The following NUTM2E variants were observed in gnomAD, a reference collection of about 807,000 sequenced individuals.
NUTM2E encodes the protein NUT family member 2E, also known as family with sequence similarity 22, member E.
A neutral mutation model predicts 26.1 loss-of-function variants in NUTM2E; 3 were observed. The observed-to-expected ratio is 0.12, with a 90% CI of 0.05 to 0.30. The LOEUF is 0.30. Among genes scored for constraint, NUTM2E ranks in the 10% least tolerant of loss-of-function variants. NUTM2E has a pLI of 1.00. For missense variants in NUTM2E, 62 were observed against 381.3 expected, an observed-to-expected ratio of 0.16 and a Z score of 6.97; for synonymous variants, 13 against 157.5, an observed-to-expected ratio of 0.08 and a Z score of 6.87.
rs534890566 is a variant in NUTM2E, at chr10:79,839,738, G to C, written c.-2003G>C. On this transcript the variant is annotated 5_prime_UTR_variant, in exon 4 of 10. Coordinates refer to ENST00000429984, the MANE Select transcript of NUTM2E (RefSeq NM_001355263.2). ...GCTCTGCAGGACACAGCATGGAGCCGCCATTCCTCTACTGGGTGGAGGAGC... is the reference window on the plus strand; with the variant it reads ...GCTCTGCAGGACACAGCATGGAGCCCCCATTCCTCTACTGGGTGGAGGAGC... Among the ~76,000 whole-genome samples the C allele has an allele frequency of 6.6e-6, 1 of 151,452 alleles. No individual in the cohort carries two copies. The highest frequency in any genetic ancestry group is 2.4e-5 in the African/African-American group (1 of 41,120).
chr10:79,832,081 C>A (rs1841930768), intron 1 of NUTM2E, among the ~76,000 whole-genome samples: 1 of 152,126 alleles, frequency 6.6e-6, no homozygotes, highest in South Asian at 2.1e-4. Context: ...TCTCATTCAC[C>A]AACTAATTAC....
chr10:79,849,067 T>C (rs1203169700), intron 8 of NUTM2E, among the ~76,000 whole-genome samples, 172 bp downstream of exon 8: 1 of 108,916 alleles, frequency 9.2e-6, no homozygotes, highest in Non-Finnish European at 2.3e-5. Context: ...GGTTTGTTAC[T>C]GTGTGTCTTT....
Position 79,838,859 on chromosome 10 carries a change from A to C in NUTM2E, c.-2370A>C, listed in dbSNP as rs1459458006. On this transcript the variant is annotated 5_prime_UTR_variant, in exon 3 of 10. Transcript: ENST00000429984. ...CTCTCGCGCTGCGCGTCTCCCTGCC[A>C]TCAACCGCCGCAACTGGCGCTGGGA... Among the ~76,000 whole-genome samples, 1 of 150,962 alleles carries C rather than the reference A, an allele frequency of 6.6e-6. No individual in the cohort carries two copies. Among genetic ancestry groups the C allele is most frequent in the East Asian group, 2.0e-4 (1 of 5,046 alleles).
At chr10:79,836,230 A>T (rs2132416166) in intron 1 of NUTM2E, among the ~76,000 whole-genome samples, 1 of 151,920 alleles carries the variant, frequency 6.6e-6, no homozygotes, top group East Asian at 1.9e-4. Flanking sequence ...GGTAATTTTG[A>T]TATTAATACT....
At chr10:79,829,766 A>G (rs1841914894) in intron 1 of NUTM2E, among the ~76,000 whole-genome samples, 1 of 151,684 alleles carries the variant, frequency 6.6e-6, no homozygotes, top group South Asian at 2.1e-4. Flanking sequence ...AATGGACAAT[A>G]AAGAAAGTGA....
intron 1 of NUTM2E, among the ~76,000 whole-genome samples, chr10:79,828,065 G>A (rs1318135039): frequency 1.3e-5 from 2 of 151,490 alleles, no homozygotes; most frequent in Admixed American, 6.6e-5. Flanking sequence ...AAAGTGCTGG[G>A]ATTACAGGCG....
intron 1 of NUTM2E, among the ~76,000 whole-genome samples, chr10:79,833,310 C>T (rs1564741376): frequency 6.6e-6 from 1 of 151,522 alleles, no homozygotes; most frequent in Non-Finnish European, 1.5e-5. Context: ...TGCATCAGAA[C>T]ATACTCACTC....
intron 1 of NUTM2E, among the ~76,000 whole-genome samples, chr10:79,836,288 A>G (rs1841963178): frequency 6.6e-6 from 1 of 151,950 alleles, no homozygotes; most frequent in African/African-American, 2.4e-5. Flanking sequence ...TTCACTGATT[A>G]AAAACAAAAT....
In NUTM2E at chr10:79,827,062, C is replaced by A. The variant is rs1347100670; in HGVS notation, c.-3023C>A. 1.3e-5 allele frequency: 2 copies of A among 150,154 alleles called. No homozygotes were observed. The highest frequency in any genetic ancestry group is 1.3e-4 in the Admixed American group (2 of 15,014). The allele number at this position is 150,154 out of a possible 1,614,324, so 9.3% of individuals were successfully genotyped here. ...CTTGGATACCAGCCTTAAATCGAGC[C>A]GACTACGGCCCAGCCCCGCCCGCGG... On this transcript the variant is annotated 5_prime_UTR_variant, in exon 1 of 10. Transcript: ENST00000429984.
chr10:79,849,165 C>G (rs1359207632), intron 8 of NUTM2E, among the ~76,000 whole-genome samples: 1 of 67,882 alleles, frequency 1.5e-5, no homozygotes, highest in Non-Finnish European at 3.6e-5. Context: ...GTTTGTGTGT[C>G]TGTGTGTGGT....
chr10:79,833,300 T>C (rs1841938428), intron 1 of NUTM2E, among the ~76,000 whole-genome samples: 2 of 151,638 alleles, frequency 1.3e-5, no homozygotes, highest in South Asian at 4.2e-4. Flanking sequence ...TGCTGCCCTG[T>C]GCATCAGAAC....
Position 79,827,007 on chromosome 10 carries a change from G to GTCGCCTCGCCTCGCCTCGCCTCGCC in NUTM2E, c.-3062_-3061insCGCCTCGCCTCGCCTCGCCTCGCCT. 1 of 113,856 alleles carries GTCGCCTCGCCTCGCCTCGCCTCGCC rather than the reference G, an allele frequency of 8.8e-6. No individual in the cohort carries two copies. Among genetic ancestry groups the GTCGCCTCGCCTCGCCTCGCCTCGCC allele is most frequent in the East Asian group, 3.5e-4 (1 of 2,850 alleles). 7.1% of individuals were successfully genotyped at this position (113,856 alleles called of 1,614,324 possible). ...GTTCTCCCTAAGCACCCTCGCTCAC[G>GTCGCCTCGCCTCGCCTCGCCTCGCC]TCGCCTCGCCTCGCCTGACCGGCCG... On this transcript the variant is annotated 5_prime_UTR_variant, in exon 1 of 10. Transcript: ENST00000429984.
chr10:79,832,425 G>A (rs946135548), intron 1 of NUTM2E, among the ~76,000 whole-genome samples: 31 of 151,790 alleles, frequency 2.0e-4, no homozygotes, highest in Admixed American at 3.9e-4. Flanking sequence ...TTGAATGTAC[G>A]ATAGGAGCTG....
rs1232551095 is a variant in NUTM2E, at chr10:79,845,244, G to A, written c.1082+372G>A. Among the ~76,000 whole-genome samples the A allele has an allele frequency of 3.8e-3, 423 of 112,134 alleles. 12 individuals carry two copies. The highest frequency in any genetic ancestry group is 0.011 in the African/African-American group (389 of 35,432). 73.6% of individuals were successfully genotyped at this position (112,134 alleles called of 152,430 possible). ...CCCTTTAACCCAGTATTGATGGCCA[G>A]GAGCACCTCACATGGGGCCGGGGGG... On this transcript the variant is annotated intron_variant, in intron 5 of 9. Transcript: ENST00000429984.
At position 79,839,965 on chromosome 10, in the gene NUTM2E, G is replaced by A. The variant is rs1478811599; in HGVS notation, c.-1776G>A. Reference sequence around the variant, plus strand: ...GGGTCTAGGACTTCAAACATGTACAGAAGCGATTGCAGAATTAAGACAAGA... The same window carrying A: ...GGGTCTAGGACTTCAAACATGTACAAAAGCGATTGCAGAATTAAGACAAGA... On this transcript the variant is annotated 5_prime_UTR_variant, in exon 4 of 10. Transcript: ENST00000429984. 6.7e-6 allele frequency among the ~76,000 whole-genome samples: 1 copy of A among 148,748 alleles called. No homozygotes were observed. The highest frequency in any genetic ancestry group is 2.0e-4 in the East Asian group (1 of 5,114).
Position 79,829,726 on chromosome 10 carries a change from C to A in NUTM2E, c.-2728+2369C>A, listed in dbSNP as rs561856797. On this transcript the variant is annotated intron_variant, in intron 1 of 9. Coordinates refer to ENST00000429984, the MANE Select transcript of NUTM2E (RefSeq NM_001355263.2). ...TGTCAAATAACAGGCAAAATAGAATCTGACACCCTAGGTCTCAGCAAGTGT... is the reference window on the plus strand; with the variant it reads ...TGTCAAATAACAGGCAAAATAGAATATGACACCCTAGGTCTCAGCAAGTGT... Among the ~76,000 whole-genome samples, 12 of 151,754 alleles carry A rather than the reference C, an allele frequency of 7.9e-5. No homozygotes were observed. In the South Asian group the frequency reaches 2.5e-3, roughly 32 times the overall value.
chr10:79,840,408 C>A lies in NUTM2E; in HGVS notation c.-1333C>A, dbSNP rs1018872701. The stretch of plus-strand genomic sequence containing the variant: ...CAGAGGACAAAAGGCCTGGGAGCAC[C>A]CAGACAGACAGTCACTGCATGGAGG... On this transcript the variant is annotated 5_prime_UTR_variant, in exon 4 of 10. Coordinates refer to ENST00000429984, the MANE Select transcript of NUTM2E (RefSeq NM_001355263.2). Among the ~76,000 whole-genome samples, 1 of 144,286 alleles carries A rather than the reference C, an allele frequency of 6.9e-6. No homozygotes were observed. Among genetic ancestry groups the A allele is most frequent in the Admixed American group, 6.9e-5 (1 of 14,412 alleles). 94.7% of individuals were successfully genotyped at this position (144,286 alleles called of 152,430 possible). A position where few individuals can be genotyped will look rare whatever the true frequency, so the allele number is the denominator to read the frequency against.
At chr10:79,835,156 A>G (rs1488361472) in intron 1 of NUTM2E, among the ~76,000 whole-genome samples, 1 of 145,550 alleles carries the variant, frequency 6.9e-6, no homozygotes, top group Non-Finnish European at 1.5e-5. Context: ...TACTCAGATT[A>G]ATAACTGTGC....
At position 79,841,202 on chromosome 10, in the gene NUTM2E, GAA is replaced by G. The variant is rs1436760786; in HGVS notation, c.-536_-535del. Among the ~76,000 whole-genome samples, 1 of 111,560 alleles carries G rather than the reference GAA, an allele frequency of 9.0e-6. No individual in the cohort carries two copies. Among genetic ancestry groups the G allele is most frequent in the Non-Finnish European group, 1.9e-5 (1 of 51,990 alleles). 73.2% of individuals were successfully genotyped at this position (111,560 alleles called of 152,430 possible). ...CTCCAGGAAAGAAAATGTGGCCAGGGAAAAGAGATGGGAGGAAGGCTGGTCAT... is the reference window on the plus strand; with the variant it reads ...CTCCAGGAAAGAAAATGTGGCCAGGGAAGAGATGGGAGGAAGGCTGGTCAT... On this transcript the variant is annotated 5_prime_UTR_variant, in exon 4 of 10. An upstream open reading frame in the 5' UTR loses its in-frame stop. Transcript: ENST00000429984.
Sources: gnomAD v4.1 joint callset for allele counts (sites outside exome capture counted in the v4.1 genomes callset) on GRCh38, gnomAD v4.1.1 for gene constraint, MANE v1.5 for transcripts, NCBI Gene and HGNC (gene_info 2026-07-23, HGNC 2026-07-21) for gene names.